TBPL2: variants seen among roughly 807,000 people sequenced by gnomAD.
TBPL2 encodes TATA box-binding protein-like 2.
TBPL2 carries 40 observed loss-of-function variants against 38.2 expected under a neutral mutation model. The ratio of observed to expected loss-of-function variants is 1.05; its 90% confidence interval spans 0.81 to 1.36. The LOEUF (loss-of-function observed/expected upper bound fraction) is 1.36. Among genes scored for constraint, TBPL2 ranks in the 40% most tolerant of loss-of-function variants. The pLI, the probability that TBPL2 is intolerant of heterozygous loss-of-function variation, is 0.00. For missense variants in TBPL2, 461 were observed against 456.7 expected (o/e 1.01, Z -0.09); for synonymous variants, 169 against 171.7 (o/e 0.98, Z 0.12).
Position 55,418,069 on chromosome 14 carries a change from A to G in TBPL2, c.1052-3614T>C, listed in dbSNP as rs369007397. ...CATTTTATAAAATCTAAGCCATTTT[A>G]TTACCCTAGAGGAATATACTTCCAG... On this transcript the variant is annotated intron_variant, in intron 6 of 6. Coordinates refer to ENST00000247219, the Ensembl canonical transcript of TBPL2. Among the ~76,000 whole-genome samples the G allele has an allele frequency of 1.2e-4, 18 of 152,338 alleles. No individual in the cohort carries two copies. In the East Asian group the frequency reaches 1.9e-3, roughly 16 times the overall value.
chr14:55,430,672 C>A lies in TBPL2; in HGVS notation c.789-1698G>T, dbSNP rs78983790. ...TCAGCCTCCCCAAGTACTGAGGTTA[C>A]AGGTGTGAGCCACTGCACATGGCCA... On this transcript the variant is annotated intron_variant, in intron 4 of 6. Coordinates refer to ENST00000247219, the Ensembl canonical transcript of TBPL2. Among the ~76,000 whole-genome samples, 1,310 of 152,282 alleles carry A rather than the reference C, an allele frequency of 8.6e-3. 17 individuals are homozygous for A. Among genetic ancestry groups the A allele is most frequent in the African/African-American group, 0.03 (1,238 of 41,560 alleles).
intron 3 of TBPL2, 106 bp downstream of exon 3, chr14:55,435,741 C>T (rs1886001879): frequency 4.7e-6 from 4 of 848,850 alleles, no homozygotes; most frequent in East Asian, 3.1e-5. Flanking sequence ...TTTTCAGTAA[C>T]AATTTTTTAA....
At chr14:55,419,669 G>A (rs1193676227) in intron 6 of TBPL2, among the ~76,000 whole-genome samples, 1 of 152,190 alleles carries the variant, frequency 6.6e-6, no homozygotes, top group Admixed American at 6.5e-5. Context: ...CATGGTGGCT[G>A]TAGCTGTGGC....
chr14:55,423,426 C>A (rs1885775299), intron 6 of TBPL2, among the ~76,000 whole-genome samples: 1 of 152,216 alleles, frequency 6.6e-6, no homozygotes, highest in Non-Finnish European at 1.5e-5. Flanking sequence ...TAATTGTCTA[C>A]AGGTAAAAGC....
At chr14:55,430,398 TAAAA>T (rs370880582) in intron 4 of TBPL2, among the ~76,000 whole-genome samples, 8,555 of 119,776 alleles carry the variant, frequency 0.071, 320 homozygotes, top group Non-Finnish European at 0.086. Flanking sequence ...TCACCCACTT[TAAAA>T]AAAAAAAAAA....
At chr14:55,434,408 A>G (rs1885982087) in intron 3 of TBPL2, among the ~76,000 whole-genome samples, 1 of 152,110 alleles carries the variant, frequency 6.6e-6, no homozygotes, top group African/African-American at 2.4e-5. Context: ...TCCTACACAG[A>G]TAGTCTCTTC....
chr14:55,428,111 T>C (rs1460540235), intron 5 of TBPL2, among the ~76,000 whole-genome samples: 1 of 130,634 alleles, frequency 7.7e-6, no homozygotes, highest in Non-Finnish European at 1.6e-5. Context: ...CCATTTCACA[T>C]GCCTTATCTT....
intron 6 of TBPL2, among the ~76,000 whole-genome samples, chr14:55,418,517 T>C (rs961359973): frequency 6.6e-6 from 1 of 152,198 alleles, no homozygotes; most frequent in African/African-American, 2.4e-5. Flanking sequence ...TTATGACATA[T>C]ACCAATTTAC....
intron 6 of TBPL2, 123 bp from the exon 7 acceptor site, chr14:55,414,578 A>G (rs969117636): frequency 4.6e-6 from 3 of 651,132 alleles, no homozygotes; most frequent in Admixed American, 6.8e-5. Flanking sequence ...GCTGTACCTG[A>G]GAAATGGCAT....
At position 55,431,480 on chromosome 14, in the gene TBPL2, T is replaced by C. The variant is rs147562984; in HGVS notation, c.788+2150A>G. 4.7e-3 allele frequency among the ~76,000 whole-genome samples: 711 copies of C among 152,352 alleles called. 6 individuals carry two copies. Among genetic ancestry groups the C allele is most frequent in the African/African-American group, 0.016 (672 of 41,590 alleles). On this transcript the variant is annotated intron_variant, in intron 4 of 6. Coordinates refer to ENST00000247219, the Ensembl canonical transcript of TBPL2. ...CTCAGTATGTGTACTATATGGCTAA[T>C]ACAATTTTACTTTATGACTTCAAAT...
intron 6 of TBPL2, among the ~76,000 whole-genome samples, chr14:55,421,072 A>AAAG (rs1885736387): frequency 6.6e-6 from 1 of 151,588 alleles, no homozygotes; most frequent in African/African-American, 2.4e-5. Flanking sequence ...AAAAAAAAAA[A>AAAG]AAAAAAGAAA....
At chr14:55,425,630 G>A (rs1217847092) in intron 5 of TBPL2, among the ~76,000 whole-genome samples, 2 of 152,100 alleles carry the variant, frequency 1.3e-5, no homozygotes, top group Non-Finnish European at 2.9e-5. Context: ...TGAGAATATC[G>A]AACACCTGCC....
chr14:55,429,000 G>C lies in TBPL2; in HGVS notation c.789-26C>G, dbSNP rs569395179. On this transcript the variant is annotated intron_variant, in intron 4 of 6. Coordinates refer to ENST00000247219, the Ensembl canonical transcript of TBPL2. Reference sequence around the variant, plus strand: ...CTGGGGAGGGGCAAATATGTTTAAAGATGTCTTAATCGCTACATCCTCTCA... The same window carrying C: ...CTGGGGAGGGGCAAATATGTTTAAACATGTCTTAATCGCTACATCCTCTCA... 1.3e-4 allele frequency: 212 copies of C among 1,612,750 alleles called. 1 individual carries two copies. In the South Asian group the frequency reaches 2.2e-3, roughly 17 times the overall value.
At chr14:55,428,329 CCGT>C (rs1885865935) in intron 5 of TBPL2, among the ~76,000 whole-genome samples, 1 of 151,830 alleles carries the variant, frequency 6.6e-6, no homozygotes, top group Non-Finnish European at 1.5e-5. Flanking sequence ...CAGGGTTTCA[CCGT>C]GTTAGCCAGG....
intron 1 of TBPL2, among the ~76,000 whole-genome samples, chr14:55,439,617 C>CCGCCCCCCCCG (rs1555344746): frequency 1.4e-5 from 1 of 72,628 alleles, no homozygotes; most frequent in Non-Finnish European, 3.0e-5. Context: ...AAAGCAAACC[C>CCGCCCCCCCCG]CCCCCCGTCT....
At chr14:55,428,721 C>A in intron 5 of TBPL2, 86 bp downstream of exon 5, 1 of 1,332,966 alleles carries the variant, frequency 7.5e-7, no homozygotes. Context: ...ATCACAATTT[C>A]TCTGAAAGAT....
chr14:55,418,325 T>A (rs1401283643), intron 6 of TBPL2, among the ~76,000 whole-genome samples: 1 of 152,234 alleles, frequency 6.6e-6, no homozygotes, highest in Non-Finnish European at 1.5e-5. Flanking sequence ...GTTTATAAGT[T>A]CATCCCTACC....
In TBPL2 at chr14:55,437,033, A is replaced by G. The variant is rs779804217; in HGVS notation, c.151-15T>C. The G allele has an allele frequency of 1.2e-6, 2 of 1,608,516 alleles. No homozygotes were observed. The highest frequency in any genetic ancestry group is 1.7e-5 in the Admixed American group (1 of 59,906). On this transcript the variant is annotated splice_polypyrimidine_tract_variant and intron_variant, in intron 1 of 6. Transcript: ENST00000247219. ...GCAAGGCCATCCTAGGCAGTTCCCA[A>G]AACAGACAGACAAAAACACAACAGA...
chr14:55,414,946 G>C (rs563834226), intron 6 of TBPL2, among the ~76,000 whole-genome samples: 2 of 152,106 alleles, frequency 1.3e-5, no homozygotes, highest in African/African-American at 4.8e-5. Context: ...CATGGGAAGG[G>C]ATTATTAGAG....
Sources: gnomAD v4.1 joint callset for allele counts (sites outside exome capture counted in the v4.1 genomes callset) on GRCh38, gnomAD v4.1.1 for gene constraint, MANE v1.5 for transcripts, NCBI Gene and HGNC (gene_info 2026-07-23, HGNC 2026-07-21) for gene names.